PDCD6: variants seen among roughly 807,000 people sequenced by gnomAD.
PDCD6 encodes the protein programmed cell death protein 6.
A neutral mutation model predicts 28.3 loss-of-function variants in PDCD6; 12 were observed. The observed-to-expected ratio is 0.42, with a 90% confidence interval of 0.27 to 0.69. The LOEUF is 0.69. PDCD6 is among the 30% of genes least tolerant of loss of function. The pLI is 0.22. For synonymous variants in PDCD6, 92 were observed against 108.0 expected (o/e 0.85, Z 0.92); for missense variants, 226 against 269.9 (o/e 0.84, Z 1.14).
At chr5:289,203 C>G in intron 2 of PDCD6, 2 of 732,728 alleles carry the variant, frequency 2.7e-6, no homozygotes. Context: ...TTTCAGAATA[C>G]CTCCACAGTT....
intron 1 of PDCD6, 62 bp downstream of exon 1, chr5:271,883 C>G: frequency 1.1e-6 from 1 of 874,338 alleles, no homozygotes; most frequent in Non-Finnish European, 1.6e-6. Context: ...ACCCCTGTCC[C>G]GACTCCCCCG....
Position 314,307 on chromosome 5 carries a change from AG to A in PDCD6, c.478-109del. On this transcript the variant is annotated intron_variant, in intron 5 of 5. Coordinates refer to ENST00000264933, the MANE Select transcript of PDCD6 (RefSeq NM_013232.4). ...CTCCCTGTGCTGGGCTCCATCAGGG[AG>A]CCCAGAAGACGTGTGTGCTTCTGAA... 3 of 715,708 alleles carry A rather than the reference AG, an allele frequency of 4.2e-6. No individual in the cohort carries two copies. The South Asian group carries it at 5.1e-5, about 12-fold the overall frequency. The allele number at this position is 715,708 out of a possible 1,614,324, so 44.3% of individuals were successfully genotyped here.
At chr5:292,622 A>T (rs1469596326) in intron 2 of PDCD6, among the ~76,000 whole-genome samples, 4 of 152,214 alleles carry the variant, frequency 2.6e-5, no homozygotes, top group Non-Finnish European at 1.5e-5. Context: ...CTGTATGGCA[A>T]AGATGGGTTT....
intron 2 of PDCD6, among the ~76,000 whole-genome samples, chr5:278,164 T>A (rs575794370): frequency 1.3e-5 from 2 of 152,268 alleles, no homozygotes; most frequent in African/African-American, 4.8e-5. Flanking sequence ...CTAAAGGTCT[T>A]TGGCTTTTAG....
intron 2 of PDCD6, among the ~76,000 whole-genome samples, chr5:302,191 C>CTGCTGTGTG (rs1561046694): frequency 1.1e-5 from 1 of 87,976 alleles, no homozygotes; most frequent in African/African-American, 4.2e-5. Context: ...TGGAGTGCTG[C>CTGCTGTGTG]TGTGTGTGTG....
At chr5:273,158 T>TG (rs1163295154) in intron 2 of PDCD6, 13 of 199,316 alleles carry the variant, frequency 6.5e-5, no homozygotes, top group Non-Finnish European at 1.3e-4. Context: ...TCGAGGGCAC[T>TG]GGGGGGTGAT....
intron 1 of PDCD6, among the ~76,000 whole-genome samples, chr5:272,089 G>A (rs569920232): frequency 4.8e-5 from 7 of 146,972 alleles, no homozygotes; most frequent in South Asian, 2.1e-4. Flanking sequence ...CCTCCTGCCC[G>A]GTCCCTGTCC....
At chr5:279,435 G>A (rs917815774) in intron 2 of PDCD6, among the ~76,000 whole-genome samples, 8 of 152,080 alleles carry the variant, frequency 5.3e-5, no homozygotes, top group Admixed American at 1.3e-4. Context: ...TGGAATGAGA[G>A]GCGTGTGGAG....
intron 4 of PDCD6, chr5:310,453 A>T (rs1300343625): frequency 6.6e-6 from 1 of 152,344 alleles, no homozygotes; most frequent in Non-Finnish European, 1.5e-5. Context: ...AAACCAGTAG[A>T]AATATATCAG....
chr5:277,194 T>A (rs1738250791), intron 2 of PDCD6, among the ~76,000 whole-genome samples: 2 of 152,176 alleles, frequency 1.3e-5, no homozygotes, highest in African/African-American at 4.8e-5. Flanking sequence ...GGCACGCTCT[T>A]GGCTCACTAC....
At chr5:313,386 C>T (rs1410749845) in intron 5 of PDCD6, among the ~76,000 whole-genome samples, 5 of 152,166 alleles carry the variant, frequency 3.3e-5, no homozygotes, top group African/African-American at 4.8e-5. Context: ...TTATCCATTG[C>T]GGTGCTTTTG....
At chr5:272,202 C>T (rs1737866935) in intron 1 of PDCD6, among the ~76,000 whole-genome samples, 1 of 145,386 alleles carries the variant, frequency 6.9e-6, no homozygotes, top group South Asian at 2.2e-4. Flanking sequence ...CAAGAGCCGC[C>T]AGGTGGAGGG....
chr5:299,457 A>C (rs1325899596), intron 2 of PDCD6, among the ~76,000 whole-genome samples: 3 of 151,296 alleles, frequency 2.0e-5, no homozygotes, highest in Non-Finnish European at 4.4e-5. Context: ...TCTCGTTCCC[A>C]AAACATCTTG....
intron 3 of PDCD6, 194 bp downstream of exon 3, chr5:304,415 A>G (rs1465495004): frequency 2.9e-6 from 2 of 698,188 alleles, no homozygotes; most frequent in East Asian, 3.1e-5. Flanking sequence ...TGTTTGCTCT[A>G]TTCTTGATTC....
At chr5:287,083 G>A (rs568481014) in intron 2 of PDCD6, among the ~76,000 whole-genome samples, 8 of 152,034 alleles carry the variant, frequency 5.3e-5, no homozygotes, top group Admixed American at 1.3e-4. Flanking sequence ...GTTGAGGGTC[G>A]TGGAGCTGGA....
At chr5:282,122 C>A (rs1738608891) in intron 2 of PDCD6, among the ~76,000 whole-genome samples, 1 of 150,886 alleles carries the variant, frequency 6.6e-6, no homozygotes, top group African/African-American at 2.4e-5. Flanking sequence ...GGTCATGGAA[C>A]TGGAAACCCA....
chr5:291,945 A>G (rs1739339383), intron 2 of PDCD6, among the ~76,000 whole-genome samples: 1 of 152,232 alleles, frequency 6.6e-6, no homozygotes, highest in East Asian at 1.9e-4. Flanking sequence ...TAAGAAATGT[A>G]ACTTTCCTCA....
chr5:286,003 CTGT>C (rs972497245), intron 2 of PDCD6, among the ~76,000 whole-genome samples: 5 of 149,558 alleles, frequency 3.3e-5, no homozygotes, highest in African/African-American at 1.2e-4. Flanking sequence ...CAGGTGGGAG[CTGT>C]TGTTCTAGTT....
Position 272,259 on chromosome 5 carries a change from G to A in PDCD6, c.101+438G>A, listed in dbSNP as rs1231992327. On this transcript the variant is annotated intron_variant, in intron 1 of 5. Transcript: ENST00000264933. ...GAAAGCGGAAACAGACTGCCTGGGC[G>A]CTGTTAAAATGTCAGCAGCCAAGGA... Among the ~76,000 whole-genome samples the A allele has an allele frequency of 3.5e-5, 4 of 112,686 alleles. 1 individual carries two copies. The highest frequency in any genetic ancestry group is 1.5e-4 in the African/African-American group (4 of 26,792). 73.9% of individuals were successfully genotyped at this position (112,686 alleles called of 152,430 possible).
Sources: allele counts gnomAD v4.1 joint callset (sites outside exome capture counted in the v4.1 genomes callset), GRCh38; gene constraint gnomAD v4.1.1; transcripts MANE v1.5; gene names NCBI Gene and HGNC (gene_info 2026-07-23, HGNC 2026-07-21).